The following KIF1A variants were observed in gnomAD, a reference collection of about 807,000 sequenced individuals.
KIF1A encodes the protein kinesin family member 1A.
In KIF1A, 46 loss-of-function variants were observed where a neutral mutation model predicts 227.3. The ratio of observed to expected loss-of-function variants is 0.20; its 90% CI spans 0.16 to 0.26. KIF1A has a LOEUF of 0.26. KIF1A is among the 10% of genes least tolerant of loss of function. The probability of loss-of-function intolerance (pLI) is 1.00; values close to 1 mark genes in which losing one functional copy is unlikely to be tolerated. For synonymous variants in KIF1A, 1,022 were observed against 1,012.8 expected (o/e 1.01, Z -0.17); for missense variants, 1,683 against 2,485.9 (o/e 0.68, Z 6.87).
At chr2:240,750,234 G>A (rs1474074298) in intron 28 of KIF1A, among the ~76,000 whole-genome samples, 195 bp downstream of exon 28, 1 of 152,218 alleles carries the variant, frequency 6.6e-6, no homozygotes, top group Non-Finnish European at 1.5e-5. Context: ...AGCAGCCCGG[G>A]GCGCCAGCCC....
At chr2:240,773,014 G>T in intron 13 of KIF1A, 100 bp downstream of exon 13, 2 of 1,317,844 alleles carry the variant, frequency 1.5e-6, no homozygotes, top group Non-Finnish European at 2.1e-6. Context: ...GGTGCAGCCA[G>T]CAAAGTGGTG....
At chr2:240,785,168 C>G (rs1334763964) in intron 6 of KIF1A, 68 bp from the exon 7 acceptor site, 6 of 1,310,434 alleles carry the variant, frequency 4.6e-6, no homozygotes, top group Admixed American at 3.4e-5. Flanking sequence ...GCCGGTGGTG[C>G]CAGCCCTCTG....
chr2:240,766,865 A>T lies in KIF1A; in HGVS notation c.1684+50T>A, dbSNP rs1424772097. ...AGGGTGACCTCATTCAGGCCTGATCATCACGGCACAGGGGCATGGGTGCGG... is the reference window on the plus strand; with the variant it reads ...AGGGTGACCTCATTCAGGCCTGATCTTCACGGCACAGGGGCATGGGTGCGG... On this transcript the variant is annotated intron_variant, in intron 19 of 48. Coordinates refer to ENST00000498729, the MANE Select transcript of KIF1A (RefSeq NM_001244008.2). The surrounding 1 kb of genome is among the most constrained non-coding windows in gnomAD (Gnocchi z 5.0). 7.5e-7 allele frequency: 1 copy of T among 1,339,910 alleles called. No homozygotes were observed. Among genetic ancestry groups the T allele is most frequent in the Non-Finnish European group, 1.0e-6 (1 of 953,298 alleles). 83.0% of individuals were successfully genotyped at this position (1,339,910 alleles called of 1,614,324 possible).
chr2:240,777,792 C>T (rs2052971079), intron 10 of KIF1A, among the ~76,000 whole-genome samples: 1 of 152,236 alleles, frequency 6.6e-6, no homozygotes, highest in African/African-American at 2.4e-5. Context: ...TCCTGCCGGC[C>T]TCGCCTCCCT....
At chr2:240,810,566 A>G (rs2057789012) in intron 1 of KIF1A, among the ~76,000 whole-genome samples, 1 of 152,230 alleles carries the variant, frequency 6.6e-6, no homozygotes, top group East Asian at 1.9e-4. Context: ...TAGAGATGCT[A>G]TACATATTCA....
chr2:240,776,143 A>G (rs2052701206), intron 10 of KIF1A, among the ~76,000 whole-genome samples: 1 of 152,126 alleles, frequency 6.6e-6, no homozygotes, highest in Admixed American at 6.5e-5. Flanking sequence ...ACAGTCAGGG[A>G]CTTGCTAGCA....
chr2:240,729,265 T>TCTTCTGTCCCTTCTGCTTCTGTCTTCTGC (rs544912390), intron 38 of KIF1A, among the ~76,000 whole-genome samples: 3 of 152,138 alleles, frequency 2.0e-5, no homozygotes, highest in African/African-American at 7.2e-5. Context: ...GCCTCCAAAG[T>TCTTCTGTCCCTTCTGCTTCTGTCTTCTGC]CCCTAAAGGG....
At chr2:240,721,130 C>T in intron 44 of KIF1A, 92 bp from the exon 45 acceptor site, 1 of 1,514,362 alleles carries the variant, frequency 6.6e-7, no homozygotes, top group Non-Finnish European at 9.0e-7. Context: ...TTACCCCACA[C>T]CTGCTGCTTA....
chr2:240,763,371 C>T, intron 20 of KIF1A, 25 bp from the exon 21 acceptor site: 5 of 1,547,278 alleles, frequency 3.2e-6, no homozygotes, highest in Non-Finnish European at 4.4e-6. Context: ...GACAGGTGGC[C>T]TTGAGGGATG....
chr2:240,798,030 G>T, intron 1 of KIF1A: 1 of 358,530 alleles, frequency 2.8e-6, no homozygotes. Flanking sequence ...CAAGCCTGAG[G>T]AAGCTGAAAC....
intron 1 of KIF1A, among the ~76,000 whole-genome samples, chr2:240,806,955 G>A (rs987776798): frequency 2.0e-5 from 3 of 152,012 alleles, no homozygotes; most frequent in South Asian, 2.1e-4. Flanking sequence ...ATATAAAGTC[G>A]TCCCTCAGTA....
intron 32 of KIF1A, among the ~76,000 whole-genome samples, chr2:240,745,220 G>A (rs532858345): frequency 3.3e-5 from 5 of 152,162 alleles, no homozygotes; most frequent in South Asian, 4.1e-4. Context: ...GGCTCTGAGC[G>A]GCCCCCATGC....
At chr2:240,777,404 C>T (rs1182157061) in intron 10 of KIF1A, among the ~76,000 whole-genome samples, 1 of 152,146 alleles carries the variant, frequency 6.6e-6, no homozygotes, top group Non-Finnish European at 1.5e-5. Context: ...GTGTCACATT[C>T]CTTGCTTCCA....
At chr2:240,812,223 G>A (rs1302789202) in intron 1 of KIF1A, among the ~76,000 whole-genome samples, 1 of 152,200 alleles carries the variant, frequency 6.6e-6, no homozygotes, top group Non-Finnish European at 1.5e-5. Context: ...TGGGGTGGGG[G>A]CATCAGCAGA....
intron 10 of KIF1A, among the ~76,000 whole-genome samples, chr2:240,780,840 ACACAGCTC>A (rs1559522588): frequency 1.5e-4 from 16 of 106,108 alleles, no homozygotes; most frequent in East Asian, 5.6e-4. Context: ...CCACACACAC[ACACAGCTC>A]CACACACACA....
At chr2:240,776,678 T>C (rs1195224783) in intron 10 of KIF1A, among the ~76,000 whole-genome samples, 4 of 152,250 alleles carry the variant, frequency 2.6e-5, no homozygotes, top group African/African-American at 9.6e-5. Context: ...TACTGGTTCA[T>C]GTATGCATTG....
At chr2:240,745,377 T>A in intron 32 of KIF1A, 50 bp downstream of exon 32, 1 of 1,386,020 alleles carries the variant, frequency 7.2e-7, no homozygotes, top group South Asian at 1.2e-5. Flanking sequence ...AGAGAGGCCC[T>A]GGGAGGGTCA....
rs538618189 is a variant in KIF1A at position 240,795,257 on chromosome 2, C to T, written c.106+2390G>A. On this transcript the variant is annotated intron_variant, in intron 2 of 48. Transcript: ENST00000498729. ...GGAGCAGAGGCTGCTGGCACATAGG[C>T]GAAATCCCAGAACTCCAATGTCTTC... 4.6e-5 allele frequency among the ~76,000 whole-genome samples: 7 copies of T among 152,278 alleles called. No homozygotes were observed. In the South Asian group the frequency reaches 1.2e-3, roughly 27 times the overall value.
intron 43 of KIF1A, 29 bp from the exon 44 acceptor site, chr2:240,721,913 G>A (rs375157873): frequency 1.3e-6 from 2 of 1,576,868 alleles, no homozygotes; most frequent in Non-Finnish European, 1.7e-6. Flanking sequence ...CGTGGTCAGG[G>A]GCCAGGCCTC....
Sources: allele counts gnomAD v4.1 joint callset (sites outside exome capture counted in the v4.1 genomes callset), GRCh38; gene constraint gnomAD v4.1.1; non-coding constraint Gnocchi (gnomAD v3.1); transcripts MANE v1.5; gene names NCBI Gene and HGNC (gene_info 2026-07-23, HGNC 2026-07-21).